GABRB1: variants seen among roughly 807,000 people sequenced by gnomAD.
GABRB1 encodes gamma-aminobutyric acid receptor subunit beta-1.
Under a neutral mutation model 51.6 loss-of-function variants are expected in GABRB1, and 17 were observed. The ratio of observed to expected loss-of-function variants is 0.33; its 90% CI spans 0.23 to 0.49. The LOEUF (loss-of-function observed/expected upper bound fraction) is 0.49. GABRB1 is among the 20% of genes least tolerant of loss of function. GABRB1 has a pLI of 0.99. For missense variants in GABRB1, 410 were observed against 600.6 expected (o/e 0.68, Z 3.32); for synonymous variants, 247 against 218.9 (o/e 1.13, Z -1.14).
At chr4:47,074,862 A>C (rs551925240) in intron 3 of GABRB1, among the ~76,000 whole-genome samples, 7 of 152,246 alleles carry the variant, frequency 4.6e-5, no homozygotes, top group Non-Finnish European at 1.0e-4. Flanking sequence ...ACCAAAAGTA[A>C]CTAAGTGGCA....
intron 5 of GABRB1, among the ~76,000 whole-genome samples, chr4:47,359,809 T>C (rs1056756020): frequency 7.9e-5 from 12 of 152,082 alleles, no homozygotes; most frequent in Admixed American, 7.9e-4. Context: ...ACATTCCATT[T>C]AAAGAAAAAC....
rs561820981 is a variant in GABRB1 at position 47,187,033 on chromosome 4, C to T, written c.461+25564C>T. On this transcript the variant is annotated intron_variant, in intron 4 of 8. Transcript: ENST00000295454. The stretch of plus-strand genomic sequence containing the variant: ...GTTAAGTGACTTGCTAAATGTTGCA[C>T]GCCTAGTAAATATTGGAAGCAGTAT... Among the ~76,000 whole-genome samples the T allele has an allele frequency of 1.8e-4, 27 of 151,912 alleles. No individual in the cohort carries two copies. The South Asian group carries it at 3.7e-3, about 21-fold the overall frequency.
At chr4:47,275,927 G>A (rs1423311770) in intron 4 of GABRB1, among the ~76,000 whole-genome samples, 4 of 152,076 alleles carry the variant, frequency 2.6e-5, no homozygotes, top group Non-Finnish European at 5.9e-5. Context: ...ACATGGACAG[G>A]CTTTGGATAT....
At chr4:47,036,201 G>T (rs1157724033) in intron 3 of GABRB1, among the ~76,000 whole-genome samples, 2 of 152,164 alleles carry the variant, frequency 1.3e-5, no homozygotes, top group Non-Finnish European at 2.9e-5. Flanking sequence ...AATGCTTAAT[G>T]AAAGACAAAT....
At chr4:47,280,145 A>C (rs571819756) in intron 4 of GABRB1, among the ~76,000 whole-genome samples, 109 of 151,198 alleles carry the variant, frequency 7.2e-4, no homozygotes, top group Non-Finnish European at 1.3e-3. Context: ...TGAAATCTTT[A>C]TCTTTTGTGT....
rs1001171140 is a variant in GABRB1, at chr4:47,149,362, G to A, written c.241-11887G>A. Among the ~76,000 whole-genome samples the A allele has an allele frequency of 5.3e-5, 8 of 151,994 alleles. 1 individual carries two copies. The South Asian group carries it at 1.0e-3, about 20-fold the overall frequency. On this transcript the variant is annotated intron_variant, in intron 3 of 8. Coordinates refer to ENST00000295454, the MANE Select transcript of GABRB1 (RefSeq NM_000812.4). ...AAATTATAGTTTTTAAAGTTTGTTA[G>A]GACTATTACATACAGTATTTCAATT... is the stretch of plus-strand genomic sequence containing the variant.
intron 3 of GABRB1, among the ~76,000 whole-genome samples, chr4:47,079,220 C>T (rs1289262584): frequency 6.6e-6 from 1 of 152,094 alleles, no homozygotes; most frequent in Non-Finnish European, 1.5e-5. Flanking sequence ...TGGTAGAATT[C>T]GGATGTGAAT....
intron 4 of GABRB1, among the ~76,000 whole-genome samples, chr4:47,259,606 G>A (rs1483197324): frequency 1.3e-5 from 2 of 152,242 alleles, no homozygotes; most frequent in South Asian, 2.1e-4. Context: ...AATTTGTAAT[G>A]AGGAATGAGT....
intron 3 of GABRB1, among the ~76,000 whole-genome samples, chr4:47,099,969 A>C (rs1278344698): frequency 1.3e-5 from 2 of 151,992 alleles, no homozygotes; most frequent in African/African-American, 2.4e-5. Context: ...ATTCTATTTT[A>C]CTCTGGAAAC....
At chr4:47,376,571 C>T (rs935241768) in intron 5 of GABRB1, among the ~76,000 whole-genome samples, 4 of 152,142 alleles carry the variant, frequency 2.6e-5, no homozygotes, top group Non-Finnish European at 4.4e-5. Context: ...GGCGTGAACC[C>T]GGGAGGCGGA....
chr4:47,370,427 T>C (rs1446274879), intron 5 of GABRB1, among the ~76,000 whole-genome samples: 1 of 149,238 alleles, frequency 6.7e-6, no homozygotes, highest in African/African-American at 2.5e-5. Context: ...GCGGAAGTCA[T>C]AGTAAGCTGA....
chr4:47,109,485 T>C (rs1393895914), intron 3 of GABRB1, among the ~76,000 whole-genome samples: 1 of 152,046 alleles, frequency 6.6e-6, no homozygotes, highest in Non-Finnish European at 1.5e-5. Context: ...ATGGTAGGGA[T>C]TGGAGATGGA....
chr4:47,036,346 T>G (rs1406062972), intron 3 of GABRB1, among the ~76,000 whole-genome samples: 2 of 152,224 alleles, frequency 1.3e-5, no homozygotes, highest in Non-Finnish European at 2.9e-5. Flanking sequence ...AAACAGTAAC[T>G]GCTTGTCAGA....
At chr4:47,162,103 A>T (rs948682811) in intron 4 of GABRB1, among the ~76,000 whole-genome samples, 1 of 152,072 alleles carries the variant, frequency 6.6e-6, no homozygotes, top group East Asian at 1.9e-4. Flanking sequence ...TACCCCAAGG[A>T]CTTTCAACTT....
intron 4 of GABRB1, among the ~76,000 whole-genome samples, chr4:47,200,958 G>A (rs187029906): frequency 6.6e-6 from 1 of 152,148 alleles, no homozygotes; most frequent in Admixed American, 6.6e-5. Flanking sequence ...TGAGGTAAAA[G>A]ATCACAAATT....
At chr4:47,279,917 G>A (rs1019849600) in intron 4 of GABRB1, among the ~76,000 whole-genome samples, 5 of 150,466 alleles carry the variant, frequency 3.3e-5, no homozygotes, top group African/African-American at 1.2e-4. Context: ...GCGTATATTT[G>A]GGTCTTGGTT....
At chr4:47,327,214 G>A (rs1179853417) in intron 5 of GABRB1, among the ~76,000 whole-genome samples, 1 of 151,942 alleles carries the variant, frequency 6.6e-6, no homozygotes, top group Non-Finnish European at 1.5e-5. Flanking sequence ...ATCTCAGCTG[G>A]GCACGATGGC....
In GABRB1 at chr4:47,078,340, C is replaced by T. The variant is rs145560112; in HGVS notation, c.240+45856C>T. Among the ~76,000 whole-genome samples the T allele has an allele frequency of 2.0e-3, 309 of 152,168 alleles. 1 individual carries two copies. Among genetic ancestry groups the T allele is most frequent in the African/African-American group, 6.9e-3 (287 of 41,516 alleles). On this transcript the variant is annotated intron_variant, in intron 3 of 8. Coordinates refer to ENST00000295454, the MANE Select transcript of GABRB1 (RefSeq NM_000812.4). Reference sequence around the variant, plus strand: ...AAAATTTAACAGATGCCTGACTAAGCACAGTTATAGGCTGTTCTTAACCTC... The same window carrying T: ...AAAATTTAACAGATGCCTGACTAAGTACAGTTATAGGCTGTTCTTAACCTC...
At chr4:47,278,844 T>C (rs968570751) in intron 4 of GABRB1, among the ~76,000 whole-genome samples, 2 of 152,160 alleles carry the variant, frequency 1.3e-5, no homozygotes, top group Non-Finnish European at 2.9e-5. Flanking sequence ...CCTGTTTCTA[T>C]GGAAACAGAA....
Sources: gnomAD v4.1 joint callset for allele counts (sites outside exome capture counted in the v4.1 genomes callset) on GRCh38, gnomAD v4.1.1 for gene constraint, MANE v1.5 for transcripts, NCBI Gene and HGNC (gene_info 2026-07-23, HGNC 2026-07-21) for gene names.